MPPED2: variants seen among roughly 807,000 people sequenced by gnomAD.
MPPED2 encodes the protein metallophosphoesterase MPPED2.
Under a neutral mutation model 33.0 loss-of-function variants are expected in MPPED2, and 5 were observed. The ratio of observed to expected loss-of-function variants is 0.15; its 90% CI spans 0.08 to 0.32. MPPED2 has a LOEUF of 0.32. Among genes scored for constraint, MPPED2 ranks in the 10% least tolerant of loss-of-function variants. The pLI is 1.00. For missense variants in MPPED2, 275 were observed against 372.1 expected (o/e 0.74, Z 2.15); for synonymous variants, 136 against 141.9 (o/e 0.96, Z 0.29).
intron 4 of MPPED2, among the ~76,000 whole-genome samples, chr11:30,476,334 CATT>C (rs1951194446): frequency 6.6e-6 from 1 of 151,878 alleles, no homozygotes; most frequent in South Asian, 2.1e-4. Flanking sequence ...AAATTTTGCC[CATT>C]CCAAGGTTGC....
intron 2 of MPPED2, among the ~76,000 whole-genome samples, chr11:30,550,701 A>G (rs1348180378): frequency 6.6e-6 from 1 of 152,160 alleles, no homozygotes; most frequent in Admixed American, 6.5e-5. Context: ...ACACTTTACT[A>G]ACCAGAAAGC....
intron 3 of MPPED2, among the ~76,000 whole-genome samples, chr11:30,498,198 T>TGGA (rs1446541532): frequency 5.3e-5 from 8 of 151,994 alleles, no homozygotes. Context: ...TTTATTCAGA[T>TGGA]CATGCCAGCT....
At chr11:30,583,128 C>CTTTTTCTTTTT in intron 1 of MPPED2, among the ~76,000 whole-genome samples, 1 of 92,848 alleles carries the variant, frequency 1.1e-5, no homozygotes, top group African/African-American at 5.5e-5. Context: ...CTGGAAAAGA[C>CTTTTTCTTTTT]TTTTTCTTTT....
intron 6 of MPPED2, among the ~76,000 whole-genome samples, chr11:30,402,468 C>T (rs532569301): frequency 3.9e-5 from 6 of 152,218 alleles, no homozygotes; most frequent in African/African-American, 1.4e-4. Flanking sequence ...CTCTCCTGGT[C>T]CCCCATAAAA....
chr11:30,530,433 T>C (rs1288450419), intron 3 of MPPED2, among the ~76,000 whole-genome samples: 1 of 152,170 alleles, frequency 6.6e-6, no homozygotes, highest in Admixed American at 6.5e-5. Flanking sequence ...CACTGCTGTC[T>C]GGTAGGGCAG....
Position 30,440,652 on chromosome 11 carries a change from G to A in MPPED2, c.537-23019C>T, listed in dbSNP as rs79519758. Among the ~76,000 whole-genome samples, 893 of 152,288 alleles carry A rather than the reference G, an allele frequency of 5.9e-3. 15 individuals are homozygous for A. Among genetic ancestry groups the A allele is most frequent in the African/African-American group, 0.02 (852 of 41,564 alleles). ...AGCAAAACTGGTAGTGCCAGGCCAA[G>A]AATAGGTTCTGACCATCTGACTCCA... On this transcript the variant is annotated intron_variant, in intron 4 of 6. Transcript: ENST00000358117.
At chr11:30,417,423 T>C in intron 5 of MPPED2, 95 bp downstream of exon 5, 1 of 617,954 alleles carries the variant, frequency 1.6e-6, no homozygotes, top group Non-Finnish European at 2.8e-6. Context: ...TTTTTTTTTT[T>C]TTTGGAGGAA....
rs1438448988 is a variant in MPPED2 at position 30,459,070 on chromosome 11, C to T, written c.536+36226G>A. Among the ~76,000 whole-genome samples, 4 of 150,304 alleles carry T rather than the reference C, an allele frequency of 2.7e-5. No individual in the cohort carries two copies. In the East Asian group the frequency reaches 5.8e-4, roughly 22 times the overall value. ...CCTCCCAAGTAGCTGGGACTACAGG[C>T]GCCCGCCACTACGCCCGGCTAATTT... On this transcript the variant is annotated intron_variant, in intron 4 of 6. Coordinates refer to ENST00000358117, the MANE Select transcript of MPPED2 (RefSeq NM_001584.3).
At chr11:30,510,254 A>G (rs1953080821) in intron 3 of MPPED2, among the ~76,000 whole-genome samples, 1 of 152,118 alleles carries the variant, frequency 6.6e-6, no homozygotes, top group South Asian at 2.1e-4. Context: ...ACATGAGCTT[A>G]AGCCAGGGAG....
chr11:30,541,869 G>A (rs1955140540), intron 2 of MPPED2, among the ~76,000 whole-genome samples: 1 of 152,192 alleles, frequency 6.6e-6, no homozygotes, highest in South Asian at 2.1e-4. Flanking sequence ...TAGGAGTACA[G>A]GAGTGAGCCA....
chr11:30,395,921 ACT>A (rs1410914772), intron 6 of MPPED2, among the ~76,000 whole-genome samples: 16 of 151,832 alleles, frequency 1.1e-4, no homozygotes, highest in African/African-American at 3.9e-4. Flanking sequence ...ATCCTCAAAC[ACT>A]CTACACTGTA....
intron 3 of MPPED2, chr11:30,504,679 C>T (rs1244415937): frequency 1.1e-6 from 1 of 869,838 alleles, no homozygotes; most frequent in Non-Finnish European, 1.6e-6. Context: ...TCAGTCTGTC[C>T]CCCGTCAGGC....
chr11:30,425,449 A>G (rs1948791867), intron 4 of MPPED2: 1 of 152,140 alleles, frequency 6.6e-6, no homozygotes, highest in African/African-American at 2.4e-5. Context: ...CAGCCCTCTC[A>G]AGCATACCTG....
chr11:30,414,572 AT>A (rs574457624), intron 5 of MPPED2, among the ~76,000 whole-genome samples: 6 of 148,076 alleles, frequency 4.1e-5, no homozygotes, highest in East Asian at 2.0e-4. Flanking sequence ...GTTAATTAAC[AT>A]TTTTTTTTCT....
chr11:30,413,303 G>A (rs1193776480), intron 6 of MPPED2, among the ~76,000 whole-genome samples: 1 of 152,214 alleles, frequency 6.6e-6, no homozygotes, highest in East Asian at 1.9e-4. Context: ...TAACTCCAGA[G>A]AGCTGCCATA....
intron 2 of MPPED2, among the ~76,000 whole-genome samples, chr11:30,561,100 T>C (rs1956220458): frequency 6.6e-6 from 1 of 152,212 alleles, no homozygotes; most frequent in Non-Finnish European, 1.5e-5. Context: ...GCAAGCATTT[T>C]CATCTATGTT....
chr11:30,560,568 T>C (rs1210675440), intron 2 of MPPED2, among the ~76,000 whole-genome samples: 1 of 152,032 alleles, frequency 6.6e-6, no homozygotes, highest in Non-Finnish European at 1.5e-5. Flanking sequence ...CTAACATAAG[T>C]GAAAATACAA....
chr11:30,430,262 G>A (rs949744994), intron 4 of MPPED2, among the ~76,000 whole-genome samples: 3 of 151,922 alleles, frequency 2.0e-5, no homozygotes, highest in Admixed American at 2.0e-4. Context: ...CGTATTTACT[G>A]AGCACCCGAG....
At chr11:30,542,440 C>T (rs990361976) in intron 2 of MPPED2, among the ~76,000 whole-genome samples, 1 of 129,566 alleles carries the variant, frequency 7.7e-6, no homozygotes, top group Non-Finnish European at 1.6e-5. Context: ...ATGGCGAGAC[C>T]CCATCTCAAC....
Sources: gnomAD v4.1 joint callset for allele counts (sites outside exome capture counted in the v4.1 genomes callset) on GRCh38, gnomAD v4.1.1 for gene constraint, MANE v1.5 for transcripts, NCBI Gene and HGNC (gene_info 2026-07-23, HGNC 2026-07-21) for gene names.